Variants in ARHGEF38 observed in about 807,000 individuals in gnomAD.
ARHGEF38 encodes Rho guanine nucleotide exchange factor 38.
A neutral mutation model predicts 79.9 loss-of-function variants in ARHGEF38; 79 were observed. The observed-to-expected ratio is 0.99, with a 90% CI of 0.82 to 1.19. The LOEUF (loss-of-function observed/expected upper bound fraction) is 1.19, where lower values mean the gene tolerates loss of function less well. Ranked by LOEUF, ARHGEF38 falls within the 50% of genes most tolerant of loss-of-function variation. The probability of loss-of-function intolerance (pLI) is 0.00; values close to 1 mark genes in which losing one functional copy is unlikely to be tolerated. For missense variants in ARHGEF38, 962 were observed against 907.2 expected (o/e 1.06, Z -0.78); for synonymous variants, 366 against 328.3 (o/e 1.11, Z -1.24).
At chr4:105,553,081 C>T (rs557675200) in intron 1 of ARHGEF38, 120 bp downstream of exon 1, 3 of 702,580 alleles carry the variant, frequency 4.3e-6, no homozygotes, top group Non-Finnish European at 6.7e-6. Flanking sequence ...CCTCTCCTTC[C>T]CACAAAATAA....
intron 8 of ARHGEF38, among the ~76,000 whole-genome samples, chr4:105,654,387 A>G (rs1730238763): frequency 6.6e-6 from 1 of 152,216 alleles, no homozygotes; most frequent in Admixed American, 6.5e-5. Context: ...CCCCAGTCCA[A>G]ATAGTCATAT....
At chr4:105,628,984 A>C (rs1729069864) in intron 3 of ARHGEF38, among the ~76,000 whole-genome samples, 1 of 152,284 alleles carries the variant, frequency 6.6e-6, no homozygotes, top group South Asian at 2.1e-4. Flanking sequence ...TCATTCTCAA[A>C]TGAATCTCAA....
intron 1 of ARHGEF38, among the ~76,000 whole-genome samples, chr4:105,566,331 A>G (rs1428593899): frequency 6.6e-6 from 1 of 152,188 alleles, no homozygotes; most frequent in Non-Finnish European, 1.5e-5. Flanking sequence ...TCACTTCTCC[A>G]TAGGACTGAT....
chr4:105,582,960 TTTAA>T (rs1371373173), intron 1 of ARHGEF38, among the ~76,000 whole-genome samples: 1 of 152,222 alleles, frequency 6.6e-6, no homozygotes, highest in Non-Finnish European at 1.5e-5. Flanking sequence ...TCACCCTTCC[TTTAA>T]TTAGTATTTG....
intron 10 of ARHGEF38, among the ~76,000 whole-genome samples, chr4:105,664,273 T>C (rs1560757633): frequency 6.6e-6 from 1 of 152,254 alleles, no homozygotes; most frequent in African/African-American, 2.4e-5. Flanking sequence ...CAAGTAGTTA[T>C]TCAGGTTTGA....
intron 3 of ARHGEF38, among the ~76,000 whole-genome samples, chr4:105,628,298 C>T (rs1292960298): frequency 6.6e-6 from 1 of 152,084 alleles, no homozygotes; most frequent in African/African-American, 2.4e-5. Flanking sequence ...TTGTGTTGGG[C>T]TGTGTGTATG....
At chr4:105,628,948 G>A (rs1023721258) in intron 3 of ARHGEF38, among the ~76,000 whole-genome samples, 2 of 152,048 alleles carry the variant, frequency 1.3e-5, no homozygotes, top group African/African-American at 4.8e-5. Context: ...TCAGTGGCGG[G>A]CACTTTTTAT....
At chr4:105,586,806 G>A (rs2110451375) in intron 1 of ARHGEF38, among the ~76,000 whole-genome samples, 1 of 152,138 alleles carries the variant, frequency 6.6e-6, no homozygotes, top group East Asian at 1.9e-4. Flanking sequence ...TGTCCATACT[G>A]GTTTGTCAGC....
At chr4:105,570,848 A>G (rs1345113346) in intron 1 of ARHGEF38, among the ~76,000 whole-genome samples, 1 of 152,212 alleles carries the variant, frequency 6.6e-6, no homozygotes, top group Non-Finnish European at 1.5e-5. Flanking sequence ...TATAACATCA[A>G]TGAACCTTGA....
At chr4:105,675,023 C>T (rs538067528) in intron 13 of ARHGEF38, among the ~76,000 whole-genome samples, 3 of 152,238 alleles carry the variant, frequency 2.0e-5, no homozygotes, top group African/African-American at 7.2e-5. Context: ...TATTATAGTA[C>T]GTTACATTCC....
At chr4:105,639,713 C>T (rs1729542680) in intron 5 of ARHGEF38, among the ~76,000 whole-genome samples, 1 of 151,768 alleles carries the variant, frequency 6.6e-6, no homozygotes, top group Admixed American at 6.6e-5. Context: ...TCTTGATTTT[C>T]TATTTTGTGC....
intron 13 of ARHGEF38, among the ~76,000 whole-genome samples, chr4:105,669,237 A>G (rs867057181): frequency 1.3e-5 from 2 of 152,304 alleles, no homozygotes; most frequent in East Asian, 3.9e-4. Context: ...CTTAGACACA[A>G]TTAAACCTAA....
At chr4:105,642,916 T>C (rs1363400580) in intron 5 of ARHGEF38, among the ~76,000 whole-genome samples, 1 of 152,126 alleles carries the variant, frequency 6.6e-6, no homozygotes, top group Non-Finnish European at 1.5e-5. Flanking sequence ...ATTATATTCA[T>C]GTAGATAATA....
intron 5 of ARHGEF38, among the ~76,000 whole-genome samples, chr4:105,637,795 C>T (rs1459463533): frequency 2.0e-5 from 3 of 152,126 alleles, no homozygotes; most frequent in Non-Finnish European, 4.4e-5. Context: ...TTTGCATGCA[C>T]GGACTTCTAC....
chr4:105,577,552 T>TTTGTTGTTG, intron 1 of ARHGEF38, among the ~76,000 whole-genome samples: 1 of 151,738 alleles, frequency 6.6e-6, no homozygotes, highest in Admixed American at 6.6e-5. Flanking sequence ...GTCCTGGGTT[T>TTTGTTGTTG]TTGTTGTTGT....
At chr4:105,599,099 T>A (rs933930854) in intron 2 of ARHGEF38, among the ~76,000 whole-genome samples, 2 of 152,210 alleles carry the variant, frequency 1.3e-5, no homozygotes, top group African/African-American at 4.8e-5. Flanking sequence ...GGTATGAAAG[T>A]GATACATCAA....
intron 1 of ARHGEF38, among the ~76,000 whole-genome samples, chr4:105,555,930 T>C (rs1021141304): frequency 3.9e-5 from 6 of 152,156 alleles, no homozygotes; most frequent in Admixed American, 6.6e-5. Flanking sequence ...TTAAAAATGG[T>C]ACACTGGCTG....
chr4:105,658,608 G>T (rs968630533), intron 9 of ARHGEF38, among the ~76,000 whole-genome samples: 1 of 152,066 alleles, frequency 6.6e-6, no homozygotes, highest in Non-Finnish European at 1.5e-5. Flanking sequence ...TATTCCTTTT[G>T]CTGCCAGCAG....
intron 1 of ARHGEF38, among the ~76,000 whole-genome samples, chr4:105,584,817 A>T (rs1055850303): frequency 1.3e-5 from 2 of 152,222 alleles, no homozygotes; most frequent in Admixed American, 6.5e-5. Flanking sequence ...AAGGAAAAAC[A>T]GGATAGGATA....
Sources: allele counts gnomAD v4.1 joint callset (sites outside exome capture counted in the v4.1 genomes callset), GRCh38; gene constraint gnomAD v4.1.1; transcripts MANE v1.5; gene names NCBI Gene and HGNC (gene_info 2026-07-23, HGNC 2026-07-21).